The following SGCZ variants were observed in gnomAD, a reference collection of about 807,000 sequenced individuals.
SGCZ encodes the protein sarcoglycan zeta.
SGCZ carries 40 observed loss-of-function variants against 41.3 expected under a neutral mutation model. That is an observed-to-expected ratio of 0.97 (90% CI 0.75 to 1.26). SGCZ has a LOEUF of 1.26. Among genes scored for constraint, SGCZ ranks in the 50% most tolerant of loss-of-function variants. SGCZ has a pLI of 0.00. For synonymous variants in SGCZ, 206 were observed against 137.5 expected (o/e 1.50, Z -3.49); for missense variants, 552 against 369.8 (o/e 1.49, Z -4.04).
chr8:14,670,569 A>G (rs925685151), intron 1 of SGCZ, among the ~76,000 whole-genome samples: 11 of 152,200 alleles, frequency 7.2e-5, no homozygotes, highest in Admixed American at 6.5e-4. Flanking sequence ...CTAATGGGAT[A>G]TGAGCAGATC....
intron 2 of SGCZ, among the ~76,000 whole-genome samples, chr8:14,453,000 G>A (rs896645320): frequency 6.6e-6 from 1 of 152,064 alleles, no homozygotes; most frequent in Admixed American, 6.5e-5. Context: ...CTACTCGGGA[G>A]GCTGAGGCAC....
intron 1 of SGCZ, among the ~76,000 whole-genome samples, chr8:14,709,466 G>C (rs1809443190): frequency 6.6e-6 from 1 of 152,016 alleles, no homozygotes; most frequent in African/African-American, 2.4e-5. Flanking sequence ...ATGGAAGGAG[G>C]AAGAAGAGGA....
At chr8:14,544,859 C>G (rs527837606) in intron 2 of SGCZ, among the ~76,000 whole-genome samples, 3 of 152,110 alleles carry the variant, frequency 2.0e-5, no homozygotes, top group African/African-American at 7.2e-5. Context: ...TGCTTTTGCC[C>G]TTTGTCCTGT....
chr8:14,487,870 C>T (rs974462016), intron 2 of SGCZ: 15 of 149,614 alleles, frequency 1.0e-4, no homozygotes, highest in South Asian at 6.7e-4. Flanking sequence ...CATGTACAAC[C>T]GAAGTGAGCG....
intron 2 of SGCZ, among the ~76,000 whole-genome samples, chr8:14,337,076 G>C (rs1802528806): frequency 6.6e-6 from 1 of 152,100 alleles, no homozygotes; most frequent in African/African-American, 2.4e-5. Context: ...CTGTCTGTAA[G>C]CCCTTTCAAG....
At chr8:14,111,480 GAACAC>G (rs1802370520) in intron 5 of SGCZ, among the ~76,000 whole-genome samples, 1 of 152,050 alleles carries the variant, frequency 6.6e-6, no homozygotes, top group South Asian at 2.1e-4. Context: ...AGGACAAAAG[GAACAC>G]AACAGAGACA....
At chr8:14,895,845 G>T (rs985321493) in intron 1 of SGCZ, among the ~76,000 whole-genome samples, 6 of 152,124 alleles carry the variant, frequency 3.9e-5, no homozygotes, top group Non-Finnish European at 8.8e-5. Flanking sequence ...CACTGCTGGA[G>T]ATTCTAATTG....
intron 2 of SGCZ, among the ~76,000 whole-genome samples, chr8:14,327,821 G>A (rs565780257): frequency 7.9e-5 from 12 of 152,134 alleles, no homozygotes; most frequent in East Asian, 5.8e-4. Context: ...TCGCTCTTTC[G>A]CCAGGCTGGA....
intron 1 of SGCZ, among the ~76,000 whole-genome samples, chr8:14,843,689 A>T (rs1411851697): frequency 1.6e-5 from 2 of 123,830 alleles, no homozygotes; most frequent in Non-Finnish European, 3.6e-5. Context: ...GATATGATCT[A>T]AAAAAATTGC....
chr8:14,914,036 A>T (rs1311322821), intron 1 of SGCZ, among the ~76,000 whole-genome samples: 1 of 152,084 alleles, frequency 6.6e-6, no homozygotes, highest in Non-Finnish European at 1.5e-5. Flanking sequence ...TCAGTTTATA[A>T]AATACAAATA....
At chr8:14,646,217 A>G in intron 1 of SGCZ, among the ~76,000 whole-genome samples, 1 of 148,556 alleles carries the variant, frequency 6.7e-6, no homozygotes, top group East Asian at 2.0e-4. Flanking sequence ...CCCCTTCTCT[A>G]GTAGTTGCCA....
intron 3 of SGCZ, chr8:14,319,357 G>A (rs1801841184): frequency 6.6e-6 from 1 of 151,942 alleles, no homozygotes; most frequent in Admixed American, 6.6e-5. Flanking sequence ...TCTGAGGCAA[G>A]GAAGGCATGA....
chr8:14,401,967 A>G (rs1351822074), intron 2 of SGCZ, among the ~76,000 whole-genome samples: 2 of 151,536 alleles, frequency 1.3e-5, no homozygotes, highest in African/African-American at 4.9e-5. Context: ...CTGACTTTTT[A>G]ATGATTGCCA....
At chr8:14,412,603 G>T (rs951902434) in intron 2 of SGCZ, among the ~76,000 whole-genome samples, 9 of 151,968 alleles carry the variant, frequency 5.9e-5, no homozygotes, top group African/African-American at 1.7e-4. Flanking sequence ...ACACAACAGC[G>T]AACATCTTAA....
At chr8:14,246,843 G>C (rs1188848437) in intron 3 of SGCZ, among the ~76,000 whole-genome samples, 1 of 140,842 alleles carries the variant, frequency 7.1e-6, no homozygotes, top group African/African-American at 2.6e-5. Flanking sequence ...CCGGGAGGCA[G>C]AGCTTGCAGT....
intron 1 of SGCZ, among the ~76,000 whole-genome samples, chr8:14,818,560 A>G (rs532163109): frequency 5.3e-5 from 8 of 152,288 alleles, no homozygotes; most frequent in South Asian, 2.1e-4. Flanking sequence ...AAGGAGTACA[A>G]TAAGTCTCCA....
chr8:14,443,995 G>A (rs1289505878), intron 2 of SGCZ, among the ~76,000 whole-genome samples: 2 of 152,054 alleles, frequency 1.3e-5, no homozygotes, highest in African/African-American at 4.8e-5. Context: ...TCAAAAAGTG[G>A]GTGAAGGATA....
intron 5 of SGCZ, among the ~76,000 whole-genome samples, chr8:14,129,686 G>A (rs1217808612): frequency 2.0e-5 from 3 of 151,274 alleles, no homozygotes; most frequent in Non-Finnish European, 4.4e-5. Context: ...GTTTCTATAC[G>A]TCATTAAAAA....
intron 1 of SGCZ, among the ~76,000 whole-genome samples, chr8:15,172,526 C>A (rs1181072036): frequency 6.6e-6 from 1 of 151,958 alleles, no homozygotes; most frequent in Non-Finnish European, 1.5e-5. Flanking sequence ...ACTAAGCAAA[C>A]CATTTAACCA....
Sources: allele counts gnomAD v4.1 joint callset (sites outside exome capture counted in the v4.1 genomes callset), GRCh38; gene constraint gnomAD v4.1.1; transcripts MANE v1.5; gene names NCBI Gene and HGNC (gene_info 2026-07-23, HGNC 2026-07-21).